Variants in ABCC10 observed in about 807,000 individuals in gnomAD.
ABCC10 encodes the protein ATP-binding cassette sub-family C member 10.
Under a neutral mutation model 143.2 loss-of-function variants are expected in ABCC10, and 110 were observed. The ratio of observed to expected loss-of-function variants is 0.77; its 90% CI spans 0.66 to 0.90. The LOEUF is 0.90. ABCC10 is among the 40% of genes least tolerant of loss of function. ABCC10 has a pLI of 0.00. For missense variants in ABCC10, 1,700 were observed against 1,900.5 expected, an observed-to-expected ratio of 0.89 and a Z score of 1.96; for synonymous variants, 805 against 846.7, an observed-to-expected ratio of 0.95 and a Z score of 0.85.
intron 17 of ABCC10, 103 bp downstream of exon 17, chr6:43,447,511 A>G (rs974232586): frequency 3.9e-6 from 6 of 1,556,522 alleles, no homozygotes; most frequent in South Asian, 3.7e-5. Context: ...CTCAGCTCCC[A>G]TAACCTCTCT....
rs1783624687 is a variant in ABCC10 at position 43,450,253 on chromosome 6, T to C, written c.*162T>C. The C allele has an allele frequency of 2.1e-6, 2 of 970,320 alleles. No individual in the cohort carries two copies. The highest frequency in any genetic ancestry group is 3.0e-6 in the Non-Finnish European group (2 of 676,088). The allele number at this position is 970,320 out of a possible 1,614,324, so 60.1% of individuals were successfully genotyped here. On this transcript the variant is annotated 3_prime_UTR_variant, in exon 22 of 22. Transcript: ENST00000372530. This position sits in a 1 kb window ranked among gnomAD's most constrained non-coding sequence, Gnocchi z 4.5. The stretch of plus-strand genomic sequence containing the variant: ...TGGATTACTCTTTGGAAATCACTCC[T>C]TGGTGGGCAGCATCCTGAGGCTTCC...
In ABCC10 at chr6:43,443,716, G is replaced by A. The variant is rs2127404526; in HGVS notation, c.2417-217G>A. The A allele has an allele frequency of 1.8e-6, 1 of 541,112 alleles. No homozygotes were observed. Among genetic ancestry groups the A allele is most frequent in the East Asian group, 3.0e-5 (1 of 32,826 alleles). 33.5% of individuals were successfully genotyped at this position (541,112 alleles called of 1,614,324 possible). On this transcript the variant is annotated intron_variant, in intron 10 of 21. Transcript: ENST00000372530. The surrounding 1 kb of genome is among the most constrained non-coding windows in gnomAD (Gnocchi z 4.2). Reference sequence around the variant, plus strand: ...GCTGGTCGGAATCAAGGTTTACAAGGATGGACTTGAGTCCTGCTCGAGGTC... The same window carrying A: ...GCTGGTCGGAATCAAGGTTTACAAGAATGGACTTGAGTCCTGCTCGAGGTC...
At chr6:43,448,832 A>C (rs1783425361) in intron 18 of ABCC10, 49 bp from the exon 19 acceptor site, 2 of 1,559,516 alleles carry the variant, frequency 1.3e-6, no homozygotes, top group Non-Finnish European at 1.7e-6. Context: ...AGCTGGGAGC[A>C]GAAGTGGCTA....
At position 43,433,061 on chromosome 6, in the gene ABCC10, A is replaced by C; in HGVS notation, c.1081A>C (p.Asn361His). ...VTLQARGAVL[N>H]ILYCKALQLG... Reference sequence around the variant, plus strand: ...ACTTCAGGCACGGGGGGCTGTGCTGAACATCCTGTACTGCAAGGCTTTACA... The same window carrying C: ...ACTTCAGGCACGGGGGGCTGTGCTGCACATCCTGTACTGCAAGGCTTTACA... The change falls in exon 3 of 22, where the codon AAC becomes CAC. Residue 361 changes from asparagine to histidine, a missense_variant. Coordinates refer to ENST00000372530, the MANE Select transcript of ABCC10 (RefSeq NM_001198934.2). 1.2e-6 allele frequency: 2 copies of C among 1,614,148 alleles called. No individual in the cohort carries two copies. Among genetic ancestry groups the C allele is most frequent in the Non-Finnish European group, 1.7e-6 (2 of 1,180,022 alleles).
At chr6:43,446,045 G>A (rs1783034499) in intron 15 of ABCC10, 103 bp downstream of exon 15, 2 of 1,324,284 alleles carry the variant, frequency 1.5e-6, no homozygotes, top group South Asian at 2.9e-5. Context: ...AGCCCTCCTG[G>A]GGACAAGGGA....
chr6:43,451,728 A>G (rs570128086), downstream of ABCC10, among the ~76,000 whole-genome samples: 1 of 151,308 alleles, frequency 6.6e-6, no homozygotes, highest in South Asian at 2.1e-4. The surrounding 1 kb of genome is among the most constrained non-coding windows in gnomAD (Gnocchi z 4.4). Flanking sequence ...TCTAGCTCCT[A>G]TAGATTGTTG....
chr6:43,439,851 G>T (rs927495067), intron 8 of ABCC10, among the ~76,000 whole-genome samples: 1 of 152,090 alleles, frequency 6.6e-6, no homozygotes, highest in South Asian at 2.1e-4. Context: ...CAAGGTGCTG[G>T]GATTACAGGC....
In ABCC10 at chr6:43,434,672, G is replaced by A; in HGVS notation, c.1432G>A (p.Glu478Lys). The A allele has an allele frequency of 1.9e-6, 3 of 1,614,158 alleles. No individual in the cohort carries two copies. In the East Asian group the frequency reaches 6.7e-5, roughly 36 times the overall value. ...TCGGGTCATCAAGTTCTGCGGGTGG[G>A]AGCAGGCACTGGGAGCCCGAGTAGA... ...GIRVIKFCGWEQALGARVEAC... is the reference protein window; with the variant it reads ...GIRVIKFCGWKQALGARVEAC... The change falls in exon 4 of 22, where the codon GAG (glutamate) becomes AAG (lysine). Residue 478 changes from glutamate to lysine, a missense_variant. Transcript: ENST00000372530.
intron 1 of ABCC10, 28 bp from the exon 2 acceptor site, chr6:43,427,940 C>G (rs1195658511): frequency 6.2e-7 from 1 of 1,610,954 alleles, no homozygotes; most frequent in South Asian, 1.1e-5. Context: ...TTACCCTGCA[C>G]AGCCGTCACC....
intron 17 of ABCC10, 64 bp from the exon 18 acceptor site, chr6:43,447,620 C>A (rs184713283): frequency 3.1e-5 from 49 of 1,598,712 alleles, no homozygotes; most frequent in Non-Finnish European, 3.8e-5. Context: ...CCCCTCCTCA[C>A]CATCGCTCCT....
In ABCC10 at chr6:43,443,469, T is replaced by C; in HGVS notation, c.2416+310T>C. 1 of 332,678 alleles carries C rather than the reference T, an allele frequency of 3.0e-6. No individual in the cohort carries two copies. The highest frequency in any genetic ancestry group is 5.5e-6 in the Non-Finnish European group (1 of 183,204). 20.6% of individuals were successfully genotyped at this position (332,678 alleles called of 1,614,324 possible). ...GGAGTCAGGTTTAGAATGGTCTTTT[T>C]GTAAAAACAAAAATTTTTAAACTCT... is the stretch of plus-strand genomic sequence containing the variant. On this transcript the variant is annotated intron_variant, in intron 10 of 21. Coordinates refer to ENST00000372530, the MANE Select transcript of ABCC10 (RefSeq NM_001198934.2). This position sits in a 1 kb window ranked among gnomAD's most constrained non-coding sequence, Gnocchi z 4.2.
chr6:43,441,226 C>T (rs1309503885), intron 8 of ABCC10, among the ~76,000 whole-genome samples: 3 of 152,182 alleles, frequency 2.0e-5, no homozygotes, highest in Admixed American at 2.0e-4. Context: ...GCCTATAATC[C>T]CAGCACTTTG....
Position 43,427,744 on chromosome 6 carries a change from A to T in ABCC10, c.-25A>T. ...TGGGGGCGGAGAAACGGGAGGGGAA[A>T]AACAGATGGCAAGGTGGGTGACCAG... On this transcript the variant is annotated 5_prime_UTR_variant, in exon 1 of 22. The change creates a premature stop within an existing upstream ORF in the 5' untranslated region. Transcript: ENST00000372530. The T allele has an allele frequency of 8.4e-6, 5 of 596,612 alleles. No individual in the cohort carries two copies. Among genetic ancestry groups the T allele is most frequent in the Non-Finnish European group, 6.0e-6 (2 of 333,790 alleles). The allele number at this position is 596,612 out of a possible 1,614,324, so 37.0% of individuals were successfully genotyped here.
chr6:43,432,675 T>A lies in ABCC10; in HGVS notation c.695T>A (p.Leu232Ter), dbSNP rs1214078720. ...TTTTCCTATGCCTGGCTGGCACCCTTGCTGGCCCGTGGGGCCTGTGGAGAG... is the reference window on the plus strand; with the variant it reads ...TTTTCCTATGCCTGGCTGGCACCCTAGCTGGCCCGTGGGGCCTGTGGAGAG... ...SRFSYAWLAP[L>*]LARGACGELR... is the part of the protein sequence containing the mutation. The change falls in exon 3 of 22, where the codon TTG (leucine) becomes TAG (stop). Residue 232 changes from leucine (L) to a stop codon, truncating the protein, a stop_gained. Transcript: ENST00000372530. LOFTEE classifies it high-confidence loss of function. 1 of 1,613,990 alleles carries A rather than the reference T, an allele frequency of 6.2e-7. No individual in the cohort carries two copies. The highest frequency in any genetic ancestry group is 2.2e-5 in the East Asian group (1 of 44,884).
intron 3 of ABCC10, among the ~76,000 whole-genome samples, chr6:43,433,993 C>T (rs12193524): frequency 0.29 from 44,016 of 152,084 alleles, 6,461 homozygotes; most frequent in African/African-American, 0.33. Flanking sequence ...AGTTGTCGAC[C>T]CTTAGTGGAA....
rs769800129 is a variant in ABCC10, at chr6:43,445,584, G to C, written c.3031-15G>C. ...GCCAGACTCTGCCCTGGCCCAATCA[G>C]CGTCCTTCTCCCAGGCACCAGTGAC... On this transcript the variant is annotated splice_polypyrimidine_tract_variant and intron_variant, in intron 14 of 21. Coordinates refer to ENST00000372530, the MANE Select transcript of ABCC10 (RefSeq NM_001198934.2). The C allele has an allele frequency of 3.7e-6, 6 of 1,604,344 alleles. No individual in the cohort carries two copies. Among genetic ancestry groups the C allele is most frequent in the Middle Eastern group, 1.7e-4 (1 of 6,024 alleles).
chr6:43,443,852 G>A lies in ABCC10; in HGVS notation c.2417-81G>A. 1 of 1,386,186 alleles carries A rather than the reference G, an allele frequency of 7.2e-7. No homozygotes were observed. Among genetic ancestry groups the A allele is most frequent in the South Asian group, 1.2e-5 (1 of 86,182 alleles). The allele number at this position is 1,386,186 out of a possible 1,614,324, so 85.9% of individuals were successfully genotyped here. The stretch of plus-strand genomic sequence containing the variant: ...GACGGGGAGGCCTGAGAGGATGAGA[G>A]GTGGGATCTGCACACGCACTGAGAA... On this transcript the variant is annotated intron_variant, in intron 10 of 21. Coordinates refer to ENST00000372530, the MANE Select transcript of ABCC10 (RefSeq NM_001198934.2). The surrounding 1 kb of genome is among the most constrained non-coding windows in gnomAD (Gnocchi z 4.2).
Position 43,428,155 on chromosome 6 carries a change from C to A in ABCC10, c.161+16C>A. 1 of 1,514,558 alleles carries A rather than the reference C, an allele frequency of 6.6e-7. No homozygotes were observed. The highest frequency in any genetic ancestry group is 8.8e-7 in the Non-Finnish European group (1 of 1,131,988). 93.8% of individuals were successfully genotyped at this position (1,514,558 alleles called of 1,614,324 possible). ...GCACCCCGAGGTGGGTAGAGACGGG[C>A]GCAAGGCATCTGTCCATGTGTGCCT... On this transcript the variant is annotated intron_variant, in intron 2 of 21. Transcript: ENST00000372530.
intron 2 of ABCC10, 57 bp downstream of exon 2, chr6:43,428,196 G>A (rs1780711822): frequency 6.9e-7 from 1 of 1,453,018 alleles, no homozygotes; most frequent in East Asian, 2.5e-5. Context: ...TCTCACCCGC[G>A]GCCTACATCT....
Sources: gnomAD v4.1 joint callset for allele counts (sites outside exome capture counted in the v4.1 genomes callset) on GRCh38, gnomAD v4.1.1 for gene constraint, Gnocchi (gnomAD v3.1) non-coding constraint, MANE v1.5 for transcripts, NCBI Gene and HGNC (gene_info 2026-07-23, HGNC 2026-07-21) for gene names.